TRIM14: variants seen among roughly 807,000 people sequenced by gnomAD.
The protein encoded by TRIM14 is tripartite motif containing 14.
TRIM14 carries 28 observed loss-of-function variants against 44.5 expected under a neutral mutation model. The ratio of observed to expected loss-of-function variants is 0.63; its 90% CI spans 0.47 to 0.86. The LOEUF (loss-of-function observed/expected upper bound fraction) is 0.86. Ranked by LOEUF, TRIM14 falls within the 40% of genes least tolerant of loss-of-function variation. TRIM14 has a pLI of 0.00. For synonymous variants in TRIM14, 299 were observed against 269.2 expected (o/e 1.11, Z -1.08); for missense variants, 607 against 611.1 (o/e 0.99, Z 0.07).
At chr9:98,097,568 T>C (rs1438879700) in intron 3 of TRIM14, among the ~76,000 whole-genome samples, 2 of 152,240 alleles carry the variant, frequency 1.3e-5, no homozygotes, top group African/African-American at 2.4e-5. Flanking sequence ...GCTTCATATT[T>C]ACAAAATTGT....
At chr9:98,080,879 A>G (rs751714500), downstream of TRIM14, 11 of 1,614,064 alleles carry the variant, frequency 6.8e-6, no homozygotes, top group East Asian at 2.2e-5. Context: ...AGGCATAGCG[A>G]TATCTGTGGC....
chr9:98,052,577 G>A, the TRIM14 span, among the ~76,000 whole-genome samples: 3 of 152,096 alleles, frequency 2.0e-5, no homozygotes, highest in Non-Finnish European at 2.9e-5. Context: ...GCATGATCTC[G>A]GCTCACTACA....
chr9:98,079,030 T>A (rs1213357750), intron 6 of TRIM14, among the ~76,000 whole-genome samples: 1 of 152,162 alleles, frequency 6.6e-6, no homozygotes, highest in Non-Finnish European at 1.5e-5. Context: ...TATTTTCTAA[T>A]GCTGAGCATC....
chr9:98,073,262 C>T (rs1305851518), intron 6 of TRIM14, among the ~76,000 whole-genome samples: 1 of 140,602 alleles, frequency 7.1e-6, no homozygotes, highest in East Asian at 2.2e-4. Flanking sequence ...CCCAGCTCAT[C>T]ACCATGGGCT....
chr9:98,047,319 C>A, the TRIM14 span, among the ~76,000 whole-genome samples: 2 of 152,160 alleles, frequency 1.3e-5, no homozygotes, highest in Admixed American at 1.3e-4. Context: ...ACCATCAAAC[C>A]TCTTTTTCTT....
In TRIM14 at chr9:98,094,907, C is replaced by G; in HGVS notation, c.660G>C (p.Glu220Asp). 1 of 1,614,236 alleles carries G rather than the reference C, an allele frequency of 6.2e-7. No individual in the cohort carries two copies. The highest frequency in any genetic ancestry group is 8.5e-7 in the Non-Finnish European group (1 of 1,180,036). Reference sequence around the variant, plus strand: ...TGTCCAATGGCGTCTGTAATGTACTCTCCACGGCTTCCACGAGGCCCTTAA... The same window carrying G: ...TGTCCAATGGCGTCTGTAATGTACTGTCCACGGCTTCCACGAGGCCCTTAA... ...SFFKGLVEAV[E>D]STLQTPLDIR... The change falls in exon 4 of 6, where the codon GAG (glutamate) becomes GAC (aspartate). Residue 220 changes from glutamate (E) to aspartate (D), a missense_variant. Around this residue, in one of 3 missense-constraint regions of TRIM14, gnomAD observed 356 missense variants for 323.0 expected, o/e 1.10. Transcript: ENST00000341469.
chr9:98,111,915 G>A (rs889182374), intron 1 of TRIM14, among the ~76,000 whole-genome samples: 2 of 152,100 alleles, frequency 1.3e-5, no homozygotes, highest in African/African-American at 2.4e-5. Context: ...TCCAACCAGG[G>A]CAACAAGAGT....
At chr9:98,109,464 G>C (rs1170413725) in intron 2 of TRIM14, among the ~76,000 whole-genome samples, 2 of 152,214 alleles carry the variant, frequency 1.3e-5, no homozygotes, top group African/African-American at 4.8e-5. Flanking sequence ...GGAGAGTGAA[G>C]AAAGTACCTA....
rs1417419031 is a variant in TRIM14, at chr9:98,085,393, GA to G, written c.*2076del. The G allele has an allele frequency of 1.3e-5, 2 of 152,262 alleles. No homozygotes were observed. The highest frequency in any genetic ancestry group is 2.9e-5 in the Non-Finnish European group (2 of 68,084). 9.4% of individuals were successfully genotyped at this position (152,262 alleles called of 1,614,324 possible). On this transcript the variant is annotated 3_prime_UTR_variant, in exon 6 of 6. Coordinates refer to ENST00000341469, the MANE Select transcript of TRIM14 (RefSeq NM_014788.4). The stretch of plus-strand genomic sequence containing the variant: ...TCCATTTTGCCATGTGTAGAATTGG[GA>G]AAACTTTCTACCCTCTAGGGCTGAT...
intron 2 of TRIM14, among the ~76,000 whole-genome samples, chr9:98,104,340 C>A (rs1313045054): frequency 6.6e-6 from 1 of 152,204 alleles, no homozygotes; most frequent in Non-Finnish European, 1.5e-5. Flanking sequence ...CTCCTCCCAA[C>A]CAAGTTATGC....
At chr9:98,036,550 C>G in the TRIM14 span, among the ~76,000 whole-genome samples, 1 of 150,622 alleles carries the variant, frequency 6.6e-6, no homozygotes, top group Non-Finnish European at 1.5e-5. Flanking sequence ...ATCTGTAATC[C>G]CAGCACTTTG....
At chr9:98,093,107 A>C (rs1380787210) in intron 4 of TRIM14, among the ~76,000 whole-genome samples, 1 of 152,032 alleles carries the variant, frequency 6.6e-6, no homozygotes, top group African/African-American at 2.4e-5. Flanking sequence ...TCCAGTCCTA[A>C]ATACTCTTTC....
downstream of TRIM14, among the ~76,000 whole-genome samples, chr9:98,065,461 C>T (rs147824077): frequency 7.7e-4 from 111 of 144,346 alleles, no homozygotes; most frequent in African/African-American, 2.7e-3. Flanking sequence ...GGATTACAGG[C>T]GTCCACCACC....
the TRIM14 span, among the ~76,000 whole-genome samples, chr9:98,057,919 C>CT: frequency 5.5e-5 from 5 of 90,098 alleles, no homozygotes; most frequent in South Asian, 3.6e-4. Context: ...TTTTTTTTTC[C>CT]TGGTTTTTTT....
chr9:98,071,480 C>G (rs1829335542), intron 6 of TRIM14, among the ~76,000 whole-genome samples: 1 of 152,202 alleles, frequency 6.6e-6, no homozygotes, highest in African/African-American at 2.4e-5. Flanking sequence ...CAGAACCCAT[C>G]TGGGAGGGAA....
downstream of TRIM14, among the ~76,000 whole-genome samples, chr9:98,068,841 A>G (rs868288859): frequency 1.6e-4 from 24 of 152,222 alleles, no homozygotes; most frequent in African/African-American, 3.9e-4. Flanking sequence ...AAAAAAAAAA[A>G]AAATTGATAA....
chr9:98,053,818 T>TAAATAAATAAAC, the TRIM14 span, among the ~76,000 whole-genome samples: 1 of 151,678 alleles, frequency 6.6e-6, no homozygotes, highest in South Asian at 2.1e-4. Context: ...AATAAATAAA[T>TAAATAAATAAAC]AAATAAATAA....
chr9:98,078,061 G>A lies in TRIM14; in HGVS notation c.*29-8374C>T, dbSNP rs138187355. The A allele has an allele frequency of 3.9e-4, 523 of 1,346,948 alleles. 3 individuals are homozygous for A. The African/African-American group carries it at 4.8e-3, about 12-fold the overall frequency. The allele number at this position is 1,346,948 out of a possible 1,614,324, so 83.4% of individuals were successfully genotyped here. A position where few individuals can be genotyped will look rare whatever the true frequency, so the allele number is the denominator to read the frequency against. On this transcript the variant is annotated intron_variant, in intron 6 of 6. Transcript: ENST00000375098. ...ACAAGCTCCTCTCTGTTCCCCCACA[G>A]GGGCTGGCACAGTGTTTTAAGAGAT... is the stretch of plus-strand genomic sequence containing the variant.
chr9:98,109,354 CACA>C (rs924790546), intron 2 of TRIM14, among the ~76,000 whole-genome samples: 3 of 152,208 alleles, frequency 2.0e-5, no homozygotes, highest in African/African-American at 7.2e-5. Context: ...GCCCTAAAAA[CACA>C]ACAACTTTGT....
Sources: allele counts gnomAD v4.1 joint callset (sites outside exome capture counted in the v4.1 genomes callset), GRCh38; gene constraint gnomAD v4.1.1; regional missense constraint gnomAD v4.1.1; transcripts MANE v1.5; gene names NCBI Gene and HGNC (gene_info 2026-07-23, HGNC 2026-07-21).